FRYL: variants seen among roughly 807,000 people sequenced by gnomAD.
The protein encoded by FRYL is protein furry homolog-like.
FRYL carries 150 observed loss-of-function variants against 351.2 expected under a neutral mutation model. That is an observed-to-expected ratio of 0.43 (90% CI 0.37 to 0.49). The LOEUF is 0.49. Among genes scored for constraint, FRYL ranks in the 20% least tolerant of loss-of-function variants. The probability of loss-of-function intolerance (pLI) is 0.00; values close to 1 mark genes in which losing one functional copy is unlikely to be tolerated. For missense variants in FRYL, 3,036 were observed against 3,619.3 expected (o/e 0.84, Z 4.13); for synonymous variants, 1,153 against 1,257.1 (o/e 0.92, Z 1.75).
intron 60 of FRYL, among the ~76,000 whole-genome samples, chr4:48,503,345 G>T (rs1247844660): frequency 6.6e-6 from 1 of 152,094 alleles, no homozygotes; most frequent in African/African-American, 2.4e-5. Flanking sequence ...CTCATTCCAG[G>T]CTTCCTATCC....
intron 20 of FRYL, among the ~76,000 whole-genome samples, 158 bp downstream of exon 20, chr4:48,582,339 A>T (rs1741126830): frequency 6.6e-6 from 1 of 152,222 alleles, no homozygotes; most frequent in Admixed American, 6.5e-5. Context: ...TCACTACAGG[A>T]ACTATGGGAA....
chr4:48,772,084 G>T (rs567239403), intron 1 of FRYL, among the ~76,000 whole-genome samples: 1 of 152,098 alleles, frequency 6.6e-6, no homozygotes, highest in Non-Finnish European at 1.5e-5. Flanking sequence ...CCAGACATAC[G>T]AATGTCACTA....
At position 48,573,197 on chromosome 4, in the gene FRYL, T is replaced by C. The variant is rs1193247438; in HGVS notation, c.2893A>G (p.Arg965Gly). 6.2e-7 allele frequency: 1 copy of C among 1,612,654 alleles called. No individual in the cohort carries two copies. Among genetic ancestry groups the C allele is most frequent in the Non-Finnish European group, 8.5e-7 (1 of 1,178,692 alleles). ...AGAACACAGCTCACCTCTGGCCTTC[T>C]TTCGAGTGCTTCTTTAATTATGGGA... is the stretch of plus-strand genomic sequence containing the variant. Reference protein sequence around the residue: ...LHPIIKEALERRPENMKRRRR... With the variant: ...LHPIIKEALEGRPENMKRRRR... Residue 965 changes from arginine (R) to glycine (G), a missense_variant, in exon 26 of 64, where the codon AGA becomes GGA. Arg to Gly is a moderately radical substitution (Grantham distance 125, BLOSUM62 -2). This residue lies in a region of FRYL where 492 missense variants were observed against 551.5 expected (regional missense o/e 0.89). Coordinates refer to ENST00000358350, the MANE Select transcript of FRYL (RefSeq NM_015030.2).
At chr4:48,604,177 C>G (rs1269743896) in intron 11 of FRYL, among the ~76,000 whole-genome samples, 4 of 152,102 alleles carry the variant, frequency 2.6e-5, no homozygotes, top group Non-Finnish European at 5.9e-5. Flanking sequence ...TTGTTGTGTT[C>G]CCTTGTGCAT....
At chr4:48,699,655 T>C (rs1431967680) in intron 2 of FRYL, among the ~76,000 whole-genome samples, 2 of 152,162 alleles carry the variant, frequency 1.3e-5, no homozygotes, top group African/African-American at 4.8e-5. Flanking sequence ...AGGGAAAATG[T>C]GACAAAGTAA....
intron 13 of FRYL, among the ~76,000 whole-genome samples, chr4:48,600,516 G>A (rs1745484360): frequency 6.6e-6 from 1 of 152,084 alleles, no homozygotes; most frequent in Non-Finnish European, 1.5e-5. Flanking sequence ...GGAGGTAAGG[G>A]TTCAAAGAAA....
chr4:48,762,366 G>T lies in FRYL; in HGVS notation c.-384+17712C>A, dbSNP rs181707655. On this transcript the variant is annotated intron_variant, in intron 1 of 63. Transcript: ENST00000358350. ...GTATGAACATCCTTCTTAAAAAAATGATTGCTGGGGTAATATAACTGACTT... is the reference window on the plus strand; with the variant it reads ...GTATGAACATCCTTCTTAAAAAAATTATTGCTGGGGTAATATAACTGACTT... 7.9e-5 allele frequency among the ~76,000 whole-genome samples: 12 copies of T among 152,288 alleles called. No individual in the cohort carries two copies. In the East Asian group the frequency reaches 2.3e-3, roughly 29 times the overall value.
intron 44 of FRYL, among the ~76,000 whole-genome samples, chr4:48,542,663 G>A (rs1578028824): frequency 6.6e-6 from 1 of 152,128 alleles, no homozygotes; most frequent in South Asian, 2.1e-4. Flanking sequence ...TGATCCACCC[G>A]TTTCAGCCTC....
intron 2 of FRYL, among the ~76,000 whole-genome samples, chr4:48,686,107 C>T (rs1578722027): frequency 6.6e-6 from 1 of 152,024 alleles, no homozygotes; most frequent in Non-Finnish European, 1.5e-5. Context: ...CTCAAATTAG[C>T]CTTATTTTAA....
intron 19 of FRYL, among the ~76,000 whole-genome samples, chr4:48,583,398 G>T (rs765375505): frequency 6.6e-6 from 1 of 152,008 alleles, no homozygotes; most frequent in African/African-American, 2.4e-5. Flanking sequence ...TGATCTGCCC[G>T]CCTCGGCCTC....
At chr4:48,509,471 T>C (rs1722025407) in intron 59 of FRYL, among the ~76,000 whole-genome samples, 1 of 152,340 alleles carries the variant, frequency 6.6e-6, no homozygotes, top group South Asian at 2.1e-4. Context: ...GAAAGACCCA[T>C]CTAGAAAAAT....
rs1753829033 is a variant in FRYL, at chr4:48,634,413, T to A, written c.-3A>T. 5 of 1,613,120 alleles carry A rather than the reference T, an allele frequency of 3.1e-6. No homozygotes were observed. The South Asian group carries it at 4.4e-5, about 14-fold the overall frequency. ...GGGTCAATCGTAATGTTTGACATGA[T>A]GATATTTTTTTTTCCCCAAGTGGAA... On this transcript the variant is annotated 5_prime_UTR_variant, in exon 4 of 64. Coordinates refer to ENST00000358350, the MANE Select transcript of FRYL (RefSeq NM_015030.2).
Position 48,634,288 on chromosome 4 carries a change from C to T in FRYL, c.120+3G>A. 6.2e-7 allele frequency: 1 copy of T among 1,606,410 alleles called. No individual in the cohort carries two copies. The highest frequency in any genetic ancestry group is 1.1e-5 in the South Asian group (1 of 90,936). On this transcript the variant is annotated splice_donor_region_variant and intron_variant, in intron 4 of 63. Coordinates refer to ENST00000358350, the MANE Select transcript of FRYL (RefSeq NM_015030.2). ...TTCAGATTTATAGGTCAGCTGTACT[C>T]ACCAAGGGTTCGGCCATTACAACTT...
rs1452660960 is a variant in FRYL, at chr4:48,547,681, G to A, written c.4977C>T (p.Ile1659=). ...TGAGAAGGACAGAAGCAACAGTTCG[G>A]ATGTTACTATTGGGTCCCATTACTA... ...LLIVMGPNSN[I]RTVASVLLRN... The change falls in exon 41 of 64, where the codon ATC becomes ATT. Residue 1659 remains isoleucine, a synonymous_variant. Transcript: ENST00000358350. The A allele has an allele frequency of 6.2e-7, 1 of 1,607,500 alleles. No individual in the cohort carries two copies. The highest frequency in any genetic ancestry group is 1.3e-5 in the African/African-American group (1 of 74,822).
At chr4:48,778,838 C>A (rs1337611500) in intron 1 of FRYL, among the ~76,000 whole-genome samples, 1 of 151,864 alleles carries the variant, frequency 6.6e-6, no homozygotes, top group Non-Finnish European at 1.5e-5. Flanking sequence ...TTTTCCCCCC[C>A]AATCCGACAG....
intron 1 of FRYL, among the ~76,000 whole-genome samples, chr4:48,760,098 T>C (rs532238612): frequency 6.6e-6 from 1 of 152,244 alleles, no homozygotes; most frequent in Admixed American, 6.5e-5. Flanking sequence ...TTAAATAACT[T>C]GACCTGAAGT....
At chr4:48,714,649 G>C (rs1439803213) in intron 1 of FRYL, among the ~76,000 whole-genome samples, 1 of 149,616 alleles carries the variant, frequency 6.7e-6, no homozygotes, top group Non-Finnish European at 1.5e-5. Context: ...CAACCAAAAA[G>C]AGTCCAGGAC....
At chr4:48,650,048 C>T (rs528874153) in intron 3 of FRYL, among the ~76,000 whole-genome samples, 1 of 151,732 alleles carries the variant, frequency 6.6e-6, no homozygotes, top group South Asian at 2.1e-4. Flanking sequence ...AAAAATTTTT[C>T]ATTTCTTTTT....
chr4:48,509,731 T>C (rs1722083023), intron 59 of FRYL, among the ~76,000 whole-genome samples: 1 of 152,060 alleles, frequency 6.6e-6, no homozygotes, highest in Non-Finnish European at 1.5e-5. Flanking sequence ...TTGTCAGAGG[T>C]TGTGGATTTC....
Sources: gnomAD v4.1 joint callset for allele counts (sites outside exome capture counted in the v4.1 genomes callset) on GRCh38, gnomAD v4.1.1 for gene constraint, gnomAD v4.1.1 regional missense constraint, MANE v1.5 for transcripts, NCBI Gene and HGNC (gene_info 2026-07-23, HGNC 2026-07-21) for gene names.